The following STRN3 variants were observed in gnomAD, a reference collection of about 807,000 sequenced individuals.
STRN3 encodes striatin 3.
Under a neutral mutation model 95.6 loss-of-function variants are expected in STRN3, and 29 were observed. The ratio of observed to expected loss-of-function variants is 0.30; its 90% CI spans 0.23 to 0.41. The LOEUF is 0.41. Among genes scored for constraint, STRN3 ranks in the 10% least tolerant of loss-of-function variants. The pLI, the probability that STRN3 is intolerant of heterozygous loss-of-function variation, is 1.00. For missense variants in STRN3, 890 were observed against 972.1 expected, an observed-to-expected ratio of 0.92 and a Z score of 1.12; for synonymous variants, 331 against 357.6, an observed-to-expected ratio of 0.93 and a Z score of 0.84.
intron 1 of STRN3, among the ~76,000 whole-genome samples, chr14:31,001,347 G>A (rs561249673): frequency 6.6e-6 from 1 of 151,942 alleles, no homozygotes; most frequent in South Asian, 2.1e-4. Flanking sequence ...ATCAGCATGG[G>A]CAACACAGCA....
At chr14:30,974,117 G>A (rs943372222) in intron 1 of STRN3, among the ~76,000 whole-genome samples, 1 of 152,092 alleles carries the variant, frequency 6.6e-6, no homozygotes, top group Non-Finnish European at 1.5e-5. Context: ...TTAGGAAACA[G>A]AAATAAAAGG....
intron 1 of STRN3, among the ~76,000 whole-genome samples, chr14:30,958,486 G>C (rs1880029738): frequency 6.6e-6 from 1 of 152,210 alleles, no homozygotes; most frequent in African/African-American, 2.4e-5. Context: ...AAAGGGAAAA[G>C]ATGTCAAATT....
chr14:31,012,420 A>G (rs1170117856), intron 1 of STRN3, among the ~76,000 whole-genome samples: 2 of 152,250 alleles, frequency 1.3e-5, no homozygotes, highest in South Asian at 2.1e-4. Flanking sequence ...ACTCTTAACA[A>G]CAGCAACAAA....
chr14:30,971,924 C>T (rs1880850460), intron 1 of STRN3, among the ~76,000 whole-genome samples: 1 of 152,148 alleles, frequency 6.6e-6, no homozygotes, highest in African/African-American at 2.4e-5. Context: ...TAAAACCTCC[C>T]TTAACTATCC....
At chr14:30,923,490 A>G (rs1033027438) in intron 8 of STRN3, among the ~76,000 whole-genome samples, 5 of 152,184 alleles carry the variant, frequency 3.3e-5, no homozygotes, top group African/African-American at 1.2e-4. Flanking sequence ...ATGGCAAAAA[A>G]GTCATATTCC....
At chr14:31,012,766 C>T (rs950256139) in intron 1 of STRN3, among the ~76,000 whole-genome samples, 2 of 151,758 alleles carry the variant, frequency 1.3e-5, no homozygotes, top group Non-Finnish European at 2.9e-5. Context: ...TGGTGGTGGG[C>T]GCCTGTAATC....
chr14:30,904,162 T>C (rs907214984), intron 15 of STRN3, among the ~76,000 whole-genome samples: 5 of 152,074 alleles, frequency 3.3e-5, no homozygotes, highest in African/African-American at 9.7e-5. Context: ...CACAACTCCT[T>C]AGATAAATAG....
rs145327683 is a variant in STRN3, at chr14:31,000,748, TCTATCC to T, written c.282+25150_282+25155del. On this transcript the variant is annotated intron_variant, in intron 1 of 17. Coordinates refer to ENST00000357479, the MANE Select transcript of STRN3 (RefSeq NM_001083893.2). ...TAACACCACCCAACAAACTTTACTT[TCTATCC>T]ACTAGAATTTAAGCTTCAACAGGGC... 1.8e-3 allele frequency among the ~76,000 whole-genome samples: 274 copies of T among 152,286 alleles called. 5 individuals are homozygous for T. The East Asian group carries it at 0.032, about 18-fold the overall frequency.
intron 5 of STRN3, among the ~76,000 whole-genome samples, chr14:30,940,007 T>C (rs191638569): frequency 8.5e-5 from 13 of 152,242 alleles, no homozygotes; most frequent in African/African-American, 2.9e-4. Context: ...TATATAGTTT[T>C]CCTGAAATAA....
intron 3 of STRN3, among the ~76,000 whole-genome samples, chr14:30,952,829 T>C (rs956197841): frequency 6.6e-6 from 1 of 152,126 alleles, no homozygotes; most frequent in Non-Finnish European, 1.5e-5. Flanking sequence ...AAATTACATA[T>C]AACACATAAT....
At chr14:30,933,990 T>C (rs1018220966) in intron 7 of STRN3, among the ~76,000 whole-genome samples, 3 of 152,226 alleles carry the variant, frequency 2.0e-5, no homozygotes, top group African/African-American at 7.2e-5. Context: ...CTAGTGATTA[T>C]TCCTCTAGCT....
intron 1 of STRN3, among the ~76,000 whole-genome samples, chr14:30,959,786 T>C (rs537560825): frequency 6.8e-4 from 103 of 151,800 alleles, no homozygotes; most frequent in Non-Finnish European, 1.5e-5. Flanking sequence ...ACAGTAAGAC[T>C]CCATCTCCAA....
At chr14:30,914,497 C>A (rs558448747) in intron 9 of STRN3, among the ~76,000 whole-genome samples, 1 of 152,068 alleles carries the variant, frequency 6.6e-6, no homozygotes, top group African/African-American at 2.4e-5. Flanking sequence ...GGATTACAGG[C>A]GCCCGCCACC....
rs769902017 is a variant in STRN3, at chr14:30,912,157, C to T, written c.1400G>A (p.Arg467Gln). The change falls in exon 11 of 18, where the codon CGA (arginine) becomes CAA (glutamine). Residue 467 changes from arginine (R) to glutamine (Q), a missense_variant. Arg to Gln is a conservative substitution (Grantham distance 43). Around this residue, in one of 3 missense-constraint regions of STRN3, gnomAD observed 357 missense variants for 422.8 expected, o/e 0.84. Coordinates refer to ENST00000357479, the MANE Select transcript of STRN3 (RefSeq NM_001083893.2). ...TGTATACTTGGGATTCCATGTCTTT[C>T]GAAAGGCATCTTTATTAGCAGGCAA... is the stretch of plus-strand genomic sequence containing the variant. Reference protein sequence around the residue: ...YDLPANKDAFRKTWNPKYTLR... With the variant: ...YDLPANKDAFQKTWNPKYTLR... 4.3e-6 allele frequency: 7 copies of T among 1,609,240 alleles called. No individual in the cohort carries two copies. Among genetic ancestry groups the T allele is most frequent in the East Asian group, 4.5e-5 (2 of 44,854 alleles).
At chr14:30,981,940 C>G (rs1188353635) in intron 1 of STRN3, among the ~76,000 whole-genome samples, 3 of 151,504 alleles carry the variant, frequency 2.0e-5, no homozygotes, top group Admixed American at 2.0e-4. Flanking sequence ...ACTAAAAATA[C>G]AAAAATTAGC....
chr14:30,898,101 C>T (rs1204926428), intron 16 of STRN3, among the ~76,000 whole-genome samples: 1 of 152,158 alleles, frequency 6.6e-6, no homozygotes, highest in East Asian at 1.9e-4. Context: ...GCAACCCTCT[C>T]ACTTAACTGG....
At chr14:31,020,215 T>C (rs1003090765) in intron 1 of STRN3, among the ~76,000 whole-genome samples, 2 of 152,210 alleles carry the variant, frequency 1.3e-5, no homozygotes, top group Non-Finnish European at 2.9e-5. Context: ...AAGTGTTCAA[T>C]AGGTCAGGCG....
chr14:30,980,564 C>T (rs542748356), intron 1 of STRN3, among the ~76,000 whole-genome samples: 3 of 152,066 alleles, frequency 2.0e-5, no homozygotes, highest in African/African-American at 7.2e-5. Flanking sequence ...CCCGCCACCA[C>T]GCCCAGCTAA....
chr14:31,021,684 A>G (rs911761564), intron 1 of STRN3, among the ~76,000 whole-genome samples: 5 of 152,230 alleles, frequency 3.3e-5, no homozygotes, highest in Non-Finnish European at 4.4e-5. Context: ...GCGGAAGCAA[A>G]AGAAAACAGT....
Sources: allele counts gnomAD v4.1 joint callset (sites outside exome capture counted in the v4.1 genomes callset), GRCh38; gene constraint gnomAD v4.1.1; regional missense constraint gnomAD v4.1.1; transcripts MANE v1.5; gene names NCBI Gene and HGNC (gene_info 2026-07-23, HGNC 2026-07-21).